The following PIP5K1C variants were observed in gnomAD, a reference collection of about 807,000 sequenced individuals.
PIP5K1C encodes phosphatidylinositol 4-phosphate 5-kinase type-1 gamma.
In PIP5K1C, 45 loss-of-function variants were observed where a neutral mutation model predicts 80.1. That is an observed-to-expected ratio of 0.56 (90% confidence interval 0.44 to 0.72). The LOEUF (loss-of-function observed/expected upper bound fraction) is 0.72, where lower values mean the gene tolerates loss of function less well. Ranked by LOEUF, PIP5K1C falls within the 30% of genes least tolerant of loss-of-function variation. PIP5K1C has a pLI of 0.00. For synonymous variants in PIP5K1C, 498 were observed against 420.1 expected, an observed-to-expected ratio of 1.19 and a Z score of -2.27; for missense variants, 753 against 954.6, an observed-to-expected ratio of 0.79 and a Z score of 2.78.
intron 1 of PIP5K1C, among the ~76,000 whole-genome samples, chr19:3,697,701 G>A (rs912588263): frequency 6.6e-6 from 1 of 152,166 alleles, no homozygotes; most frequent in Non-Finnish European, 1.5e-5. Flanking sequence ...AGCCGTGGGA[G>A]TGGGGCAGGG....
chr19:3,697,855 G>A (rs953231800), intron 1 of PIP5K1C, among the ~76,000 whole-genome samples: 1 of 152,206 alleles, frequency 6.6e-6, no homozygotes, highest in Non-Finnish European at 1.5e-5. Context: ...CCCAAGCCCC[G>A]GCCTTCCCGA....
rs1435987386 is a variant in PIP5K1C at position 3,682,370 on chromosome 19, T to A, written c.95-15017A>T. 5.0e-5 allele frequency among the ~76,000 whole-genome samples: 6 copies of A among 121,002 alleles called. No homozygotes were observed. In the East Asian group the frequency reaches 1.1e-3, roughly 23 times the overall value. 79.4% of individuals were successfully genotyped at this position (121,002 alleles called of 152,430 possible). On this transcript the variant is annotated intron_variant, in intron 1 of 17. Coordinates refer to ENST00000335312, the MANE Select transcript of PIP5K1C (RefSeq NM_012398.3). ...GCCTGGACAACAGAGCAAGACTCCA[T>A]CTAAAAAAAAAAAAAAAAAGGCATT...
chr19:3,674,954 G>A (rs2035313460), intron 1 of PIP5K1C, among the ~76,000 whole-genome samples: 1 of 152,204 alleles, frequency 6.6e-6, no homozygotes, highest in Admixed American at 6.5e-5. Context: ...CAGCACGGAT[G>A]CACCTTGAAG....
In PIP5K1C at chr19:3,685,530, A is replaced by T. The variant is rs576514737; in HGVS notation, c.94+14767T>A. On this transcript the variant is annotated intron_variant, in intron 1 of 17. Coordinates refer to ENST00000335312, the MANE Select transcript of PIP5K1C (RefSeq NM_012398.3). The stretch of plus-strand genomic sequence containing the variant: ...CGGATCACGAGGTCAGGAGATCGAG[A>T]CCATCCTGGCTAACACGGTGAAACC... Among the ~76,000 whole-genome samples the T allele has an allele frequency of 1.2e-3, 188 of 152,246 alleles. 1 individual carries two copies. Among genetic ancestry groups the T allele is most frequent in the African/African-American group, 4.2e-3 (175 of 41,554 alleles).
At chr19:3,666,360 G>A (rs1188327348) in intron 2 of PIP5K1C, among the ~76,000 whole-genome samples, 2 of 152,236 alleles carry the variant, frequency 1.3e-5, no homozygotes, top group Non-Finnish European at 1.5e-5. Context: ...GCCACTCGGC[G>A]CCACGGGGCT....
chr19:3,658,047 T>C (rs1444403155), intron 5 of PIP5K1C, among the ~76,000 whole-genome samples: 1 of 152,168 alleles, frequency 6.6e-6, no homozygotes, highest in Non-Finnish European at 1.5e-5. Context: ...GTGAATATGT[T>C]TGGGGACCAG....
At chr19:3,661,569 C>CA (rs1421136274) in intron 4 of PIP5K1C, among the ~76,000 whole-genome samples, 1 of 152,252 alleles carries the variant, frequency 6.6e-6, no homozygotes, top group Non-Finnish European at 1.5e-5. Flanking sequence ...AGAAGGATCC[C>CA]AGGACCCCAA....
At chr19:3,646,544 C>G (rs2034221317) in intron 10 of PIP5K1C, among the ~76,000 whole-genome samples, 1 of 152,162 alleles carries the variant, frequency 6.6e-6, no homozygotes, top group Non-Finnish European at 1.5e-5. Flanking sequence ...CACTCTGGGC[C>G]AGGGGACAAG....
intron 5 of PIP5K1C, among the ~76,000 whole-genome samples, chr19:3,658,811 T>C (rs957912231): frequency 2.0e-5 from 3 of 152,222 alleles, no homozygotes; most frequent in Non-Finnish European, 2.9e-5. Flanking sequence ...ACATGACTAA[T>C]GGCAGTTGCA....
Position 3,696,063 on chromosome 19 carries a change from A to C in PIP5K1C, c.94+4234T>G, listed in dbSNP as rs1324368650. Among the ~76,000 whole-genome samples, 1 of 152,110 alleles carries C rather than the reference A, an allele frequency of 6.6e-6. No homozygotes were observed. Among genetic ancestry groups the C allele is most frequent in the African/African-American group, 2.4e-5 (1 of 41,434 alleles). On this transcript the variant is annotated intron_variant, in intron 1 of 17. Coordinates refer to ENST00000335312, the MANE Select transcript of PIP5K1C (RefSeq NM_012398.3). This position sits in a 1 kb window ranked among gnomAD's most constrained non-coding sequence, Gnocchi z 4.1. Reference sequence around the variant, plus strand: ...CCTTTTTACACAGACCACCACAGCTACAGGGAGGCCCTGGTGGCGGTGCTG... The same window carrying C: ...CCTTTTTACACAGACCACCACAGCTCCAGGGAGGCCCTGGTGGCGGTGCTG...
chr19:3,655,277 G>A (rs1486082129), intron 6 of PIP5K1C, among the ~76,000 whole-genome samples: 2 of 151,848 alleles, frequency 1.3e-5, no homozygotes, highest in Admixed American at 1.3e-4. Context: ...AAATAGCCAG[G>A]CGTGGTGGCG....
At chr19:3,639,613 TTA>T (rs1491377777) in intron 15 of PIP5K1C, among the ~76,000 whole-genome samples, 13 of 152,090 alleles carry the variant, frequency 8.5e-5, no homozygotes, top group Admixed American at 8.5e-4. Context: ...TTTTTTTTTT[TTA>T]GAGATGGGGT....
In PIP5K1C at chr19:3,656,492, G is replaced by A. The variant is rs778501912; in HGVS notation, c.534C>T (p.Tyr178=). 2.0e-5 allele frequency: 33 copies of A among 1,613,638 alleles called. No homozygotes were observed. The highest frequency in any genetic ancestry group is 1.6e-4 in the Middle Eastern group (1 of 6,080). ...TGATGAACTCGTCGTCGCTGGTGAC[G>A]TAGAAGAGGGAGCCACTGGCGCCCG... ...SNPGASGSLF[Y]VTSDDEFIIK... is the part of the protein sequence containing the mutation. The change falls in exon 6 of 18, where the codon TAC becomes TAT. Residue 178 remains tyrosine (Y), a synonymous_variant. Coordinates refer to ENST00000335312, the MANE Select transcript of PIP5K1C (RefSeq NM_012398.3).
intron 4 of PIP5K1C, 49 bp from the exon 5 acceptor site, chr19:3,661,132 TC>T: frequency 8.0e-7 from 1 of 1,246,242 alleles, no homozygotes; most frequent in Non-Finnish European, 1.2e-6. Flanking sequence ...TGGGCACCTC[TC>T]CCCCACCCCC....
intron 2 of PIP5K1C, among the ~76,000 whole-genome samples, chr19:3,666,476 A>C (rs1192998075): frequency 3.3e-5 from 5 of 152,204 alleles, no homozygotes; most frequent in Admixed American, 3.3e-4. Flanking sequence ...CACACAGACA[A>C]ATATGCACAC....
In PIP5K1C at chr19:3,637,396, A is replaced by G; in HGVS notation, c.1920+1488T>C. 1 of 1,535,462 alleles carries G rather than the reference A, an allele frequency of 6.5e-7. No individual in the cohort carries two copies. The highest frequency in any genetic ancestry group is 1.2e-5 in the South Asian group (1 of 84,054). Reference sequence around the variant, plus strand: ...TCCGGGGCCAGCGTGGCTGACCTCAATTGCAGCCGTGATTTACCCAAAGCC... The same window carrying G: ...TCCGGGGCCAGCGTGGCTGACCTCAGTTGCAGCCGTGATTTACCCAAAGCC... On this transcript the variant is annotated intron_variant, in intron 16 of 17. Coordinates refer to ENST00000335312, the MANE Select transcript of PIP5K1C (RefSeq NM_012398.3). The surrounding 1 kb of genome is among the most constrained non-coding windows in gnomAD (Gnocchi z 7.0).
rs1010107591 is a variant in PIP5K1C at position 3,632,961 on chromosome 19, C to A, written c.*206G>T. 5.6e-6 allele frequency: 3 copies of A among 532,112 alleles called. No individual in the cohort carries two copies. The highest frequency in any genetic ancestry group is 6.7e-6 in the Non-Finnish European group (2 of 300,308). 33.0% of individuals were successfully genotyped at this position (532,112 alleles called of 1,614,324 possible). A position where few individuals can be genotyped will look rare whatever the true frequency, so the allele number is the denominator to read the frequency against. ...CTCGGGAGGGTGGGTCTCACAGGGG[C>A]AGGCTGCCGACCGGGGTGCCGGGGC... is the stretch of plus-strand genomic sequence containing the variant. On this transcript the variant is annotated 3_prime_UTR_variant, in exon 18 of 18. Coordinates refer to ENST00000335312, the MANE Select transcript of PIP5K1C (RefSeq NM_012398.3).
rs746051048 is a variant in PIP5K1C at position 3,667,373 on chromosome 19, G to A, written c.95-20C>T. ...CCAAACCTGCAGAAGAGACAAGCTGGGTATCAGACAGGAAACCGGTGACCT... is the reference window on the plus strand; with the variant it reads ...CCAAACCTGCAGAAGAGACAAGCTGAGTATCAGACAGGAAACCGGTGACCT... On this transcript the variant is annotated intron_variant, in intron 1 of 17. Coordinates refer to ENST00000335312, the MANE Select transcript of PIP5K1C (RefSeq NM_012398.3). 22 of 1,612,782 alleles carry A rather than the reference G, an allele frequency of 1.4e-5. No homozygotes were observed. Among genetic ancestry groups the A allele is most frequent in the Non-Finnish European group, 1.8e-5 (21 of 1,179,860 alleles).
At chr19:3,682,191 T>C (rs190006770) in intron 1 of PIP5K1C, among the ~76,000 whole-genome samples, 105 of 151,776 alleles carry the variant, frequency 6.9e-4, no homozygotes, top group African/African-American at 2.4e-3. Context: ...CTGGCCAACA[T>C]GGTGAGGCCC....
Sources: gnomAD v4.1 joint callset for allele counts (sites outside exome capture counted in the v4.1 genomes callset) on GRCh38, gnomAD v4.1.1 for gene constraint, Gnocchi (gnomAD v3.1) non-coding constraint, MANE v1.5 for transcripts, NCBI Gene and HGNC (gene_info 2026-07-23, HGNC 2026-07-21) for gene names.